Variants in CUX2 observed in about 807,000 individuals in gnomAD.
CUX2 encodes cut like homeobox 2.
Under a neutral mutation model 144.8 loss-of-function variants are expected in CUX2, and 40 were observed. The ratio of observed to expected loss-of-function variants is 0.28; its 90% confidence interval spans 0.21 to 0.36. The LOEUF is 0.36. Among genes scored for constraint, CUX2 ranks in the 10% least tolerant of loss-of-function variants. The pLI, the probability that CUX2 is intolerant of heterozygous loss-of-function variation, is 1.00. For synonymous variants in CUX2, 827 were observed against 875.6 expected, an observed-to-expected ratio of 0.94 and a Z score of 0.98; for missense variants, 1,615 against 1,994.0, an observed-to-expected ratio of 0.81 and a Z score of 3.62.
intron 3 of CUX2, among the ~76,000 whole-genome samples, chr12:111,260,381 G>C (rs188989383): frequency 2.6e-4 from 40 of 151,738 alleles, no homozygotes; most frequent in African/African-American, 9.4e-4. Flanking sequence ...GGAGGATGGC[G>C]TGAACCCAGA....
At chr12:111,137,905 G>A (rs1022041007) in intron 1 of CUX2, among the ~76,000 whole-genome samples, 1 of 152,240 alleles carries the variant, frequency 6.6e-6, no homozygotes, top group Non-Finnish European at 1.5e-5. Flanking sequence ...TGGCAGAACA[G>A]TGGAACAAGC....
chr12:111,235,665 G>A (rs1882703227), intron 3 of CUX2, among the ~76,000 whole-genome samples: 2 of 152,048 alleles, frequency 1.3e-5, no homozygotes, highest in Non-Finnish European at 2.9e-5. Flanking sequence ...AGATTGCAGT[G>A]AGCTGAGATC....
intron 1 of CUX2, among the ~76,000 whole-genome samples, chr12:111,180,461 C>G (rs934552895): frequency 6.6e-6 from 1 of 152,212 alleles, no homozygotes; most frequent in African/African-American, 2.4e-5. Flanking sequence ...GATCCTTCAG[C>G]CGCCAGCTGT....
At chr12:111,188,194 G>T (rs1879667426) in intron 1 of CUX2, among the ~76,000 whole-genome samples, 1 of 152,198 alleles carries the variant, frequency 6.6e-6, no homozygotes, top group African/African-American at 2.4e-5. Context: ...GTACTTTGTG[G>T]AATGGATTTT....
intron 1 of CUX2, among the ~76,000 whole-genome samples, chr12:111,138,171 G>A (rs1430297300): frequency 6.6e-6 from 1 of 152,238 alleles, no homozygotes; most frequent in African/African-American, 2.4e-5. Flanking sequence ...GCAGATGCCA[G>A]TCTCGCTCCA....
intron 1 of CUX2, among the ~76,000 whole-genome samples, chr12:111,073,987 T>A (rs1018579503): frequency 2.6e-5 from 4 of 151,698 alleles, no homozygotes; most frequent in Non-Finnish European, 5.9e-5. Context: ...AGATAAACAG[T>A]GAATGATTTT....
Position 111,310,717 on chromosome 12 carries a change from C to G in CUX2, c.1900+35C>G. On this transcript the variant is annotated intron_variant, in intron 15 of 21. Transcript: ENST00000261726. The surrounding 1 kb of genome is among the most constrained non-coding windows in gnomAD (Gnocchi z 7.9). Reference sequence around the variant, plus strand: ...CAAGAGGGCCCGTCCCCGCTGGCCACCACGCCAGGTCCAGGGCATCAGGGC... The same window carrying G: ...CAAGAGGGCCCGTCCCCGCTGGCCAGCACGCCAGGTCCAGGGCATCAGGGC... The G allele has an allele frequency of 3.2e-6, 5 of 1,550,370 alleles. No homozygotes were observed. The highest frequency in any genetic ancestry group is 4.4e-6 in the Non-Finnish European group (5 of 1,144,534).
intron 3 of CUX2, among the ~76,000 whole-genome samples, chr12:111,241,682 C>A (rs997199609): frequency 9.2e-5 from 14 of 152,268 alleles, no homozygotes; most frequent in African/African-American, 2.9e-4. Context: ...CACGTTGGCC[C>A]GACCCCATGG....
At chr12:111,283,701 G>C (rs558138817) in intron 4 of CUX2, among the ~76,000 whole-genome samples, 10 of 152,086 alleles carry the variant, frequency 6.6e-5, no homozygotes, top group Admixed American at 5.9e-4. Flanking sequence ...TTCTCTAAGC[G>C]TGTCTTTGGG....
At chr12:111,115,279 CTTTTTTTTTTTTTT>C (rs869307048) in intron 1 of CUX2, among the ~76,000 whole-genome samples, 2 of 88,744 alleles carry the variant, frequency 2.3e-5, no homozygotes, top group South Asian at 8.6e-4. Flanking sequence ...AATAAAATTT[CTTTTTTTTTTTTTT>C]TTTTTTTTTT....
At chr12:111,049,608 C>T (rs1870167805) in intron 1 of CUX2, among the ~76,000 whole-genome samples, 1 of 152,196 alleles carries the variant, frequency 6.6e-6, no homozygotes, top group South Asian at 2.1e-4. Context: ...GGGTTCTAGA[C>T]TTGAGACGTG....
chr12:111,181,103 T>C (rs1002751203), intron 1 of CUX2, among the ~76,000 whole-genome samples: 1 of 152,230 alleles, frequency 6.6e-6, no homozygotes, highest in African/African-American at 2.4e-5. Flanking sequence ...CTGATTGAAA[T>C]AACCAGGCGG....
At chr12:111,205,655 C>G (rs529345612) in intron 1 of CUX2, among the ~76,000 whole-genome samples, 3 of 152,298 alleles carry the variant, frequency 2.0e-5, no homozygotes, top group Admixed American at 6.5e-5. Flanking sequence ...TGCTTACAGT[C>G]TGGTTCTCAA....
intron 4 of CUX2, among the ~76,000 whole-genome samples, chr12:111,286,850 C>G (rs1885412061): frequency 1.3e-5 from 2 of 152,144 alleles, no homozygotes; most frequent in Admixed American, 6.5e-5. Context: ...GCCTGGGCAA[C>G]AGAGCAAGAC....
chr12:111,064,163 A>G (rs1263646037), intron 1 of CUX2, among the ~76,000 whole-genome samples: 1 of 152,134 alleles, frequency 6.6e-6, no homozygotes, highest in African/African-American at 2.4e-5. Context: ...GGGCCTTCCA[A>G]GCTTGTAGAG....
chr12:111,148,074 T>A (rs190907221), intron 1 of CUX2, among the ~76,000 whole-genome samples: 1 of 152,330 alleles, frequency 6.6e-6, no homozygotes, highest in African/African-American at 2.4e-5. Flanking sequence ...AAGCAGGGAC[T>A]CAGCCATGCT....
intron 1 of CUX2, among the ~76,000 whole-genome samples, chr12:111,189,713 T>C (rs898585287): frequency 1.3e-5 from 2 of 152,212 alleles, no homozygotes; most frequent in African/African-American, 4.8e-5. Context: ...GAGAACTTGT[T>C]AAAATCAAGA....
chr12:111,266,413 A>T (rs1356356983), intron 4 of CUX2, among the ~76,000 whole-genome samples: 1 of 151,138 alleles, frequency 6.6e-6, no homozygotes, highest in African/African-American at 2.4e-5. Flanking sequence ...GGAGGTTGCA[A>T]TGAGCCGAGA....
chr12:111,337,906 G>A (rs1219586035), intron 19 of CUX2, among the ~76,000 whole-genome samples: 3 of 152,074 alleles, frequency 2.0e-5, no homozygotes, highest in East Asian at 3.9e-4. Flanking sequence ...GTGGTAGTAC[G>A]TGCCTGTAAT....
Sources: gnomAD v4.1 joint callset for allele counts (sites outside exome capture counted in the v4.1 genomes callset) on GRCh38, gnomAD v4.1.1 for gene constraint, Gnocchi (gnomAD v3.1) non-coding constraint, MANE v1.5 for transcripts, NCBI Gene and HGNC (gene_info 2026-07-23, HGNC 2026-07-21) for gene names.